Variants in KCNMA1 observed in about 807,000 individuals in gnomAD.
KCNMA1 encodes the protein Calcium-activated potassium channel subunit alpha-1.
Under a neutral mutation model 140.0 loss-of-function variants are expected in KCNMA1, and 29 were observed. The observed-to-expected ratio is 0.21, with a 90% CI of 0.15 to 0.28. The LOEUF (loss-of-function observed/expected upper bound fraction) is 0.28. KCNMA1 is among the 10% of genes least tolerant of loss of function. The pLI, the probability that KCNMA1 is intolerant of heterozygous loss-of-function variation, is 1.00. For missense variants in KCNMA1, 880 were observed against 1,602.2 expected (o/e 0.55, Z 7.70); for synonymous variants, 612 against 611.9 (o/e 1.00, Z 0.00).
At chr10:77,401,170 A>G (rs528087401) in intron 2 of KCNMA1, among the ~76,000 whole-genome samples, 1 of 149,122 alleles carries the variant, frequency 6.7e-6, no homozygotes, top group East Asian at 2.0e-4. Context: ...TTTTTTTGAG[A>G]CGGAGTCTTG....
intron 3 of KCNMA1, among the ~76,000 whole-genome samples, chr10:77,228,004 G>A (rs867349964): frequency 5.9e-5 from 8 of 135,354 alleles, no homozygotes; most frequent in South Asian, 4.5e-4. Context: ...TGTTCTTGTC[G>A]CCCAGACTGG....
At chr10:77,186,073 G>C (rs1374453910) in intron 3 of KCNMA1, among the ~76,000 whole-genome samples, 1 of 152,156 alleles carries the variant, frequency 6.6e-6, no homozygotes, top group Non-Finnish European at 1.5e-5. Flanking sequence ...ATACCAGTTA[G>C]TATAGTTGCA....
chr10:77,069,862 C>T (rs2096124508), intron 14 of KCNMA1, among the ~76,000 whole-genome samples: 1 of 152,102 alleles, frequency 6.6e-6, no homozygotes, highest in African/African-American at 2.4e-5. Flanking sequence ...GTTGCCCAGG[C>T]TGGAGTGCAA....
At chr10:77,455,748 C>T (rs1018255940) in intron 1 of KCNMA1, among the ~76,000 whole-genome samples, 3 of 152,126 alleles carry the variant, frequency 2.0e-5, no homozygotes, top group Admixed American at 6.5e-5. Flanking sequence ...ATGACCAGCC[C>T]CTGGGCCAGA....
At chr10:77,628,491 A>G (rs1175630059) in intron 1 of KCNMA1, among the ~76,000 whole-genome samples, 1 of 152,070 alleles carries the variant, frequency 6.6e-6, no homozygotes, top group Non-Finnish European at 1.5e-5. Context: ...TCCCGTCTCC[A>G]TTAAAAATAC....
At chr10:77,035,686 G>A (rs765446806) in intron 15 of KCNMA1, among the ~76,000 whole-genome samples, 1 of 152,116 alleles carries the variant, frequency 6.6e-6, no homozygotes, top group Non-Finnish European at 1.5e-5. Context: ...TTTCCTAAAG[G>A]TTAAAAGTAA....
chr10:76,905,058 A>T (rs767945336), intron 25 of KCNMA1: 8 of 152,178 alleles, frequency 5.3e-5, no homozygotes, highest in Non-Finnish European at 1.0e-4. Flanking sequence ...GAAGGCAGGA[A>T]CCCCGATTTT....
At chr10:77,509,296 T>TA (rs1354822834) in intron 1 of KCNMA1, among the ~76,000 whole-genome samples, 1 of 152,148 alleles carries the variant, frequency 6.6e-6, no homozygotes, top group African/African-American at 2.4e-5. Flanking sequence ...TTTTTGTCTT[T>TA]TTAGTAGAGA....
At chr10:77,600,698 G>T (rs56298432) in intron 1 of KCNMA1, among the ~76,000 whole-genome samples, 33,693 of 151,956 alleles carry the variant, frequency 0.22, 4,636 homozygotes, top group East Asian at 0.54. Flanking sequence ...GGTGAGCTGA[G>T]GTCACGCCAT....
At chr10:77,292,780 C>T (rs184745337) in intron 2 of KCNMA1, among the ~76,000 whole-genome samples, 1 of 152,332 alleles carries the variant, frequency 6.6e-6, no homozygotes, top group Non-Finnish European at 1.5e-5. Context: ...TGGGTTCTGA[C>T]CTCTACAAGC....
chr10:77,626,609 A>G (rs1413082809), intron 1 of KCNMA1, among the ~76,000 whole-genome samples: 2 of 152,190 alleles, frequency 1.3e-5, no homozygotes, highest in African/African-American at 2.4e-5. Flanking sequence ...CCAAAACCAC[A>G]TAAAGAGAAA....
At chr10:77,404,549 C>T (rs1464667174) in intron 1 of KCNMA1, among the ~76,000 whole-genome samples, 1 of 152,088 alleles carries the variant, frequency 6.6e-6, no homozygotes, top group African/African-American at 2.4e-5. Context: ...AAGTTCTGGT[C>T]TCCTCCCATT....
chr10:77,177,286 CTTCTTTCCTTCCTTCTTTCTT>C (rs930146146), intron 5 of KCNMA1, among the ~76,000 whole-genome samples: 1 of 146,168 alleles, frequency 6.8e-6, no homozygotes, highest in Non-Finnish European at 1.5e-5. Context: ...TTCTTCCTTC[CTTCTTTCCTTCCTTCTTTCTT>C]TTCTTTCCTT....
At chr10:77,258,428 C>T (rs1453227246) in intron 2 of KCNMA1, among the ~76,000 whole-genome samples, 1 of 152,160 alleles carries the variant, frequency 6.6e-6, no homozygotes, top group East Asian at 1.9e-4. Flanking sequence ...TCTCCTGAGT[C>T]TGGGTCTCAG....
intron 25 of KCNMA1, among the ~76,000 whole-genome samples, chr10:76,900,406 A>C (rs1283760764): frequency 1.3e-5 from 2 of 152,112 alleles, no homozygotes; most frequent in African/African-American, 4.8e-5. Context: ...AAGTAACTGT[A>C]AGTAGTACAC....
intron 6 of KCNMA1, among the ~76,000 whole-genome samples, chr10:77,118,096 G>T (rs1254522584): frequency 6.6e-6 from 1 of 152,182 alleles, no homozygotes; most frequent in Non-Finnish European, 1.5e-5. Flanking sequence ...AAATTGCATT[G>T]CAAAGCCTCC....
intron 1 of KCNMA1, among the ~76,000 whole-genome samples, chr10:77,448,214 C>T (rs1358286591): frequency 6.6e-6 from 1 of 152,132 alleles, no homozygotes; most frequent in Non-Finnish European, 1.5e-5. Context: ...GCTGCAGCCC[C>T]TCAAGCTGCT....
rs529227842 is a variant in KCNMA1 at position 77,472,029 on chromosome 10, CAT to C, written c.379-68008_379-68007del. ...ACACACATACACCACACACCACACA[CAT>C]GACACATATTCACATACATGTACCA... On this transcript the variant is annotated intron_variant, in intron 1 of 27. Coordinates refer to ENST00000286628, the MANE Select transcript of KCNMA1 (RefSeq NM_001161352.2). 1.7e-3 allele frequency among the ~76,000 whole-genome samples: 254 copies of C among 146,876 alleles called. 3 individuals are homozygous for C. In the South Asian group the frequency reaches 0.028, roughly 16 times the overall value.
rs989747277 is a variant in KCNMA1 at position 77,227,844 on chromosome 10, G to A, written c.602+23351C>T. On this transcript the variant is annotated intron_variant, in intron 3 of 27. Coordinates refer to ENST00000286628, the MANE Select transcript of KCNMA1 (RefSeq NM_001161352.2). ...GATACTTTAGCCTCTCTGTGCCTTG[G>A]TCTTCTCATCTGTAAGAAGGGGGTA... 2.0e-5 allele frequency among the ~76,000 whole-genome samples: 3 copies of A among 152,188 alleles called. No homozygotes were observed. In the East Asian group the frequency reaches 5.8e-4, roughly 29 times the overall value.
Sources: allele counts gnomAD v4.1 joint callset (sites outside exome capture counted in the v4.1 genomes callset), GRCh38; gene constraint gnomAD v4.1.1; transcripts MANE v1.5; gene names NCBI Gene and HGNC (gene_info 2026-07-23, HGNC 2026-07-21).